The following GRIK1 variants were observed in gnomAD, a reference collection of about 807,000 sequenced individuals.
GRIK1 encodes the protein glutamate receptor ionotropic, kainate 1.
Under a neutral mutation model 105.7 loss-of-function variants are expected in GRIK1, and 69 were observed. That is an observed-to-expected ratio of 0.65 (90% CI 0.54 to 0.80). The LOEUF (loss-of-function observed/expected upper bound fraction) is 0.80, where lower values mean the gene tolerates loss of function less well. Among genes scored for constraint, GRIK1 ranks in the 30% least tolerant of loss-of-function variants. The pLI is 0.00. For missense variants in GRIK1, 1,109 were observed against 1,167.3 expected (o/e 0.95, Z 0.73); for synonymous variants, 438 against 431.3 (o/e 1.02, Z -0.19).
rs139586284 is a variant in GRIK1 at position 29,695,369 on chromosome 21, G to A, written c.119-1306C>T. Among the ~76,000 whole-genome samples the A allele has an allele frequency of 5.3e-4, 81 of 152,194 alleles. 1 individual carries two copies. In the East Asian group the frequency reaches 0.013, roughly 24 times the overall value. On this transcript the variant is annotated intron_variant, in intron 1 of 17. Transcript: ENST00000327783. ...CTCCTCATTTCTTTTGAAAGTACAT[G>A]TTAACTGATGCTCATGGAATGCTAA...
chr21:29,828,564 G>A (rs549470715), intron 1 of GRIK1, among the ~76,000 whole-genome samples: 3 of 152,100 alleles, frequency 2.0e-5, no homozygotes, highest in East Asian at 3.9e-4. Flanking sequence ...TGCAGTGGCA[G>A]GATCTTGGTT....
intron 1 of GRIK1, among the ~76,000 whole-genome samples, chr21:29,733,945 T>G (rs1317088345): frequency 6.6e-6 from 1 of 152,110 alleles, no homozygotes; most frequent in African/African-American, 2.4e-5. Context: ...AGTTTTACTA[T>G]TATATTTACT....
At chr21:29,683,622 A>G (rs1014013226) in intron 3 of GRIK1, among the ~76,000 whole-genome samples, 1 of 152,194 alleles carries the variant, frequency 6.6e-6, no homozygotes, top group Admixed American at 6.5e-5. Context: ...GGCGACTACT[A>G]GAGGAGGGAG....
rs1350268654 is a variant in GRIK1, at chr21:29,581,825, A to G, written c.1794-282T>C. On this transcript the variant is annotated intron_variant, in intron 12 of 17. Coordinates refer to ENST00000327783, the MANE Select transcript of GRIK1 (RefSeq NM_001330994.2). ...ACTGAATTCTTCTGAGTTTTCATTC[A>G]TTTCCATATTACTGAACAACTAGAT... Among the ~76,000 whole-genome samples, 3 of 152,098 alleles carry G rather than the reference A, an allele frequency of 2.0e-5. No homozygotes were observed. The East Asian group carries it at 5.8e-4, about 29-fold the overall frequency.
intron 13 of GRIK1, among the ~76,000 whole-genome samples, chr21:29,578,407 C>G (rs181574928): frequency 1.5e-3 from 223 of 152,244 alleles, no homozygotes; most frequent in African/African-American, 5.0e-3. Flanking sequence ...ACCAGTCTAC[C>G]AATAAATGAA....
intron 2 of GRIK1, among the ~76,000 whole-genome samples, chr21:29,690,196 A>G (rs2063560865): frequency 1.3e-5 from 2 of 152,222 alleles, no homozygotes; most frequent in South Asian, 4.1e-4. Flanking sequence ...GATAGATGTA[A>G]ACTTAGAACT....
At chr21:29,928,042 A>G (rs545839398) in intron 1 of GRIK1, among the ~76,000 whole-genome samples, 1 of 152,292 alleles carries the variant, frequency 6.6e-6, no homozygotes, top group Non-Finnish European at 1.5e-5. Flanking sequence ...TCCCTGGGCC[A>G]CACTGGAAGA....
chr21:29,926,217 A>G (rs1016380749), intron 1 of GRIK1, among the ~76,000 whole-genome samples: 2 of 152,130 alleles, frequency 1.3e-5, no homozygotes, highest in African/African-American at 2.4e-5. Context: ...GAGTATTTAC[A>G]ATAATAATTC....
chr21:29,594,288 G>C (rs1283406436), intron 9 of GRIK1, among the ~76,000 whole-genome samples: 1 of 152,146 alleles, frequency 6.6e-6, no homozygotes, highest in Non-Finnish European at 1.5e-5. Context: ...AAATGAATAT[G>C]TTCTCAGGAA....
chr21:29,553,834 T>C (rs1601092334), intron 16 of GRIK1: 1 of 597,712 alleles, frequency 1.7e-6, no homozygotes, highest in Non-Finnish European at 2.8e-6. Context: ...GCATCATATA[T>C]ACAAGCTTTT....
intron 1 of GRIK1, among the ~76,000 whole-genome samples, chr21:29,937,884 A>T (rs1439214637): frequency 6.6e-6 from 1 of 152,102 alleles, no homozygotes; most frequent in African/African-American, 2.4e-5. Flanking sequence ...CAGATAAAGG[A>T]TATTTCAGTT....
intron 1 of GRIK1, among the ~76,000 whole-genome samples, chr21:29,837,125 G>A (rs1279155634): frequency 1.3e-5 from 2 of 152,050 alleles, no homozygotes; most frequent in African/African-American, 4.8e-5. Flanking sequence ...ATCGTTTTTT[G>A]GATAGCTAAG....
At chr21:29,893,050 T>A (rs982955082) in intron 1 of GRIK1, among the ~76,000 whole-genome samples, 1 of 152,200 alleles carries the variant, frequency 6.6e-6, no homozygotes, top group Non-Finnish European at 1.5e-5. Flanking sequence ...CACACGCCTA[T>A]AGTTCCTACT....
At chr21:29,723,276 T>C (rs887885947) in intron 1 of GRIK1, among the ~76,000 whole-genome samples, 18 of 152,246 alleles carry the variant, frequency 1.2e-4, no homozygotes, top group Non-Finnish European at 1.0e-4. Flanking sequence ...CAGCAAATAA[T>C]TAAAAGTATT....
At chr21:29,750,612 A>G (rs2065170155) in intron 1 of GRIK1, among the ~76,000 whole-genome samples, 1 of 152,148 alleles carries the variant, frequency 6.6e-6, no homozygotes, top group Non-Finnish European at 1.5e-5. Context: ...GCCAAGCAGT[A>G]TGGTCCAATC....
At chr21:29,904,001 A>G (rs1485943447) in intron 1 of GRIK1, among the ~76,000 whole-genome samples, 1 of 152,186 alleles carries the variant, frequency 6.6e-6, no homozygotes. Context: ...GGAAACCATC[A>G]TTCTTAGCAA....
At chr21:29,683,194 G>T (rs1430829920) in intron 3 of GRIK1, among the ~76,000 whole-genome samples, 4 of 152,218 alleles carry the variant, frequency 2.6e-5, no homozygotes, top group Non-Finnish European at 5.9e-5. Context: ...GTTTAAATTA[G>T]TTCAGCCACT....
chr21:29,737,979 A>G (rs1368815392), intron 1 of GRIK1, among the ~76,000 whole-genome samples: 1 of 152,092 alleles, frequency 6.6e-6, no homozygotes, highest in Non-Finnish European at 1.5e-5. Context: ...CTCCTTGAAA[A>G]ACTCCATTTA....
intron 1 of GRIK1, among the ~76,000 whole-genome samples, chr21:29,730,519 T>C (rs180771801): frequency 6.6e-6 from 1 of 152,346 alleles, no homozygotes; most frequent in Admixed American, 6.5e-5. Context: ...AATAGCCGAT[T>C]ACATCAATCC....
Sources: allele counts gnomAD v4.1 joint callset (sites outside exome capture counted in the v4.1 genomes callset), GRCh38; gene constraint gnomAD v4.1.1; transcripts MANE v1.5; gene names NCBI Gene and HGNC (gene_info 2026-07-23, HGNC 2026-07-21).